Variants in PARD3B observed in about 807,000 individuals in gnomAD.
PARD3B encodes the protein partitioning defective 3 homolog B.
A neutral mutation model predicts 130.2 loss-of-function variants in PARD3B; 103 were observed. The observed-to-expected ratio is 0.79, with a 90% CI of 0.67 to 0.93. PARD3B has a LOEUF of 0.93. Among genes scored for constraint, PARD3B ranks in the 40% least tolerant of loss-of-function variants. The probability of loss-of-function intolerance (pLI) is 0.00; values close to 1 mark genes in which losing one functional copy is unlikely to be tolerated. For missense variants in PARD3B, 1,609 were observed against 1,499.2 expected, an observed-to-expected ratio of 1.07 and a Z score of -1.21; for synonymous variants, 583 against 553.2, an observed-to-expected ratio of 1.05 and a Z score of -0.76.
chr2:205,570,984 A>C (rs1357971947), intron 22 of PARD3B, among the ~76,000 whole-genome samples: 4 of 152,160 alleles, frequency 2.6e-5, no homozygotes, highest in Non-Finnish European at 5.9e-5. Context: ...CCACTCCACC[A>C]TATATAATTT....
intron 2 of PARD3B, among the ~76,000 whole-genome samples, chr2:204,845,819 T>G (rs2044441372): frequency 6.6e-6 from 1 of 152,152 alleles, no homozygotes; most frequent in Admixed American, 6.5e-5. Context: ...TTTCCCTAAA[T>G]GATATGTATA....
intron 4 of PARD3B, among the ~76,000 whole-genome samples, chr2:205,099,202 C>T (rs1702589004): frequency 6.6e-6 from 1 of 152,074 alleles, no homozygotes; most frequent in Non-Finnish European, 1.5e-5. Context: ...TCTATGTTAA[C>T]ATTAAAAATA....
At chr2:205,071,369 C>A (rs1055419225) in intron 4 of PARD3B, among the ~76,000 whole-genome samples, 2 of 152,156 alleles carry the variant, frequency 1.3e-5, no homozygotes, top group Non-Finnish European at 2.9e-5. Context: ...AACCAAACTC[C>A]GGTCCTAGGT....
chr2:204,754,792 T>C (rs1308216069), intron 2 of PARD3B, among the ~76,000 whole-genome samples: 1 of 152,130 alleles, frequency 6.6e-6, no homozygotes, highest in Non-Finnish European at 1.5e-5. Flanking sequence ...AACTTAATTA[T>C]GAGGCCAAAT....
intron 18 of PARD3B, among the ~76,000 whole-genome samples, chr2:205,355,833 A>T (rs1031319949): frequency 6.6e-6 from 1 of 152,184 alleles, no homozygotes; most frequent in Non-Finnish European, 1.5e-5. Context: ...TCTTCTTCAC[A>T]AGGTGGCAGG....
Position 204,842,183 on chromosome 2 carries a change from A to C in PARD3B, c.223-122969A>C, listed in dbSNP as rs867048286. Among the ~76,000 whole-genome samples the C allele has an allele frequency of 7.9e-5, 12 of 152,178 alleles. No individual in the cohort carries two copies. In the Middle Eastern group the frequency reaches 0.01, roughly 129 times the overall value. ...GAACATGTGCTTGTGTGTGCTCTTA[A>C]TAGCGGTTATTTTTCAAAGCAATAG... On this transcript the variant is annotated intron_variant, in intron 2 of 22. Transcript: ENST00000406610.
rs2040177829 is a variant in PARD3B, at chr2:205,258,373, A to AT, written c.2185+12553dup. Among the ~76,000 whole-genome samples the AT allele has an allele frequency of 1.3e-5, 2 of 152,150 alleles. No individual in the cohort carries two copies. The highest frequency in any genetic ancestry group is 6.5e-5 in the Admixed American group (1 of 15,268). On this transcript the variant is annotated intron_variant, in intron 16 of 22. Coordinates refer to ENST00000406610, the MANE Select transcript of PARD3B (RefSeq NM_001302769.2). The surrounding 1 kb of genome is among the most constrained non-coding windows in gnomAD (Gnocchi z 4.9). ...CACTCTATACGGCTGATTCACTCTGATTCAATTCTCAGGTCAAATGTTCTT... is the reference window on the plus strand; with the variant it reads ...CACTCTATACGGCTGATTCACTCTGATTTCAATTCTCAGGTCAAATGTTCTT...
intron 10 of PARD3B, among the ~76,000 whole-genome samples, chr2:205,127,859 A>G (rs1358944616): frequency 6.6e-6 from 1 of 152,228 alleles, no homozygotes; most frequent in African/African-American, 2.4e-5. Context: ...CACTTTCTAG[A>G]GAAATGATGC....
Position 205,552,632 on chromosome 2 carries a change from C to G in PARD3B, c.3181-692C>G, listed in dbSNP as rs1173979201. Among the ~76,000 whole-genome samples, 3 of 152,074 alleles carry G rather than the reference C, an allele frequency of 2.0e-5. No homozygotes were observed. The East Asian group carries it at 5.8e-4, about 29-fold the overall frequency. On this transcript the variant is annotated intron_variant, in intron 21 of 22. Coordinates refer to ENST00000406610, the MANE Select transcript of PARD3B (RefSeq NM_001302769.2). ...CTATGTTGGCCAGTCTGGTCTCAGA[C>G]TCCAGACCTCAGGCAATCCACCCGC...
chr2:205,603,417 G>C (rs1049429497), intron 22 of PARD3B, among the ~76,000 whole-genome samples: 1 of 152,124 alleles, frequency 6.6e-6, no homozygotes, highest in Non-Finnish European at 1.5e-5. Context: ...TTAATTTTCT[G>C]TCTCCATGAT....
intron 21 of PARD3B, among the ~76,000 whole-genome samples, chr2:205,541,604 T>C (rs987534640): frequency 2.6e-5 from 4 of 152,076 alleles, no homozygotes; most frequent in Admixed American, 6.5e-5. Flanking sequence ...CGCCTCAGCC[T>C]CCCAAAGTGC....
At position 204,906,602 on chromosome 2, in the gene PARD3B, T is replaced by C. The variant is rs2047050532; in HGVS notation, c.223-58550T>C. Among the ~76,000 whole-genome samples, 1 of 152,222 alleles carries C rather than the reference T, an allele frequency of 6.6e-6. No individual in the cohort carries two copies. The highest frequency in any genetic ancestry group is 2.4e-5 in the African/African-American group (1 of 41,458). On this transcript the variant is annotated intron_variant, in intron 2 of 22. Transcript: ENST00000406610. The surrounding 1 kb of genome is among the most constrained non-coding windows in gnomAD (Gnocchi z 4.3). ...TGATGCCTTCCCTTATGTTGGTAAT[T>C]TAGCAACCATTGTTCTGTTTGATAA... is the stretch of plus-strand genomic sequence containing the variant.
intron 19 of PARD3B, among the ~76,000 whole-genome samples, chr2:205,426,111 T>G (rs1305930252): frequency 6.6e-6 from 1 of 152,132 alleles, no homozygotes; most frequent in Non-Finnish European, 1.5e-5. Context: ...GGAGATCGTT[T>G]AGAAAATATT....
In PARD3B at chr2:205,244,095, T is replaced by C. The variant is rs1400047532; in HGVS notation, c.2141-1683T>C. Among the ~76,000 whole-genome samples, 1 of 152,130 alleles carries C rather than the reference T, an allele frequency of 6.6e-6. No individual in the cohort carries two copies. Among genetic ancestry groups the C allele is most frequent in the Non-Finnish European group, 1.5e-5 (1 of 68,020 alleles). The stretch of plus-strand genomic sequence containing the variant: ...AAGTCTAACAATATTTTTAAGCAGT[T>C]GGGAACAGAATAATCACAGATATGT... On this transcript the variant is annotated intron_variant, in intron 15 of 22. Coordinates refer to ENST00000406610, the MANE Select transcript of PARD3B (RefSeq NM_001302769.2). The surrounding 1 kb of genome is among the most constrained non-coding windows in gnomAD (Gnocchi z 4.7).
intron 2 of PARD3B, among the ~76,000 whole-genome samples, chr2:204,872,535 G>A (rs563073591): frequency 2.0e-5 from 3 of 152,140 alleles, no homozygotes; most frequent in African/African-American, 7.2e-5. Flanking sequence ...CTAGCTATGC[G>A]GTTTTCTTGA....
At chr2:204,927,563 C>G (rs1687715578) in intron 2 of PARD3B, among the ~76,000 whole-genome samples, 1 of 152,130 alleles carries the variant, frequency 6.6e-6, no homozygotes, top group African/African-American at 2.4e-5. Context: ...TAACATAATT[C>G]TGTTTTGGAA....
chr2:204,741,353 C>T (rs966388526), intron 2 of PARD3B, among the ~76,000 whole-genome samples: 5 of 152,058 alleles, frequency 3.3e-5, no homozygotes, highest in Non-Finnish European at 7.4e-5. Context: ...CTGCTGAGTT[C>T]TTTGTTTTTT....
chr2:205,614,629 C>T (rs1214712094), intron 22 of PARD3B, among the ~76,000 whole-genome samples: 2 of 151,788 alleles, frequency 1.3e-5, no homozygotes, highest in Non-Finnish European at 2.9e-5. Context: ...TCGCTTGAAC[C>T]CAGGAGGCAG....
At chr2:204,863,838 G>A (rs767482123) in intron 2 of PARD3B, among the ~76,000 whole-genome samples, 11 of 152,146 alleles carry the variant, frequency 7.2e-5, no homozygotes, top group African/African-American at 1.2e-4. Flanking sequence ...CACAGACACC[G>A]ATTTTCATGT....
Sources: gnomAD v4.1 joint callset for allele counts (sites outside exome capture counted in the v4.1 genomes callset) on GRCh38, gnomAD v4.1.1 for gene constraint, Gnocchi (gnomAD v3.1) non-coding constraint, MANE v1.5 for transcripts, NCBI Gene and HGNC (gene_info 2026-07-23, HGNC 2026-07-21) for gene names.